Variants in ATP11C observed in about 807,000 individuals in gnomAD.
The protein encoded by ATP11C is phospholipid-transporting ATPase IG.
Under a neutral mutation model 97.4 loss-of-function variants are expected in ATP11C, and 36 were observed. The observed-to-expected ratio is 0.37, with a 90% CI of 0.28 to 0.49. ATP11C has a LOEUF of 0.49. ATP11C is among the 20% of genes least tolerant of loss of function. The probability of loss-of-function intolerance (pLI) is 0.98; values close to 1 mark genes in which losing one functional copy is unlikely to be tolerated. For synonymous variants in ATP11C, 275 were observed against 290.9 expected, an observed-to-expected ratio of 0.95 and a Z score of 0.56; for missense variants, 730 against 824.6, an observed-to-expected ratio of 0.89 and a Z score of 1.40.
In ATP11C at chrX:139,798,289, G is replaced by A. The variant is rs1197757592; in HGVS notation, c.841C>T (p.Arg281Cys). ...ALNYQGKSQK[R>C]SAVEKSINAF... The stretch of plus-strand genomic sequence containing the variant: ...CATACTAACTTTTCAACAGCAGAAC[G>A]TTTCTGAGATTTCCCTTGGTAGTTC... Residue 281 changes from arginine (R) to cysteine (C), a missense_variant, in exon 10 of 30, where the codon CGT (arginine) becomes TGT (cysteine). By Grantham distance (180) the Arg-to-Cys change is radical (BLOSUM62 -3). Transcript: ENST00000682941. The A allele has an allele frequency of 3.3e-6, 4 of 1,204,459 alleles. No homozygotes were observed. Among genetic ancestry groups the A allele is most frequent in the Non-Finnish European group, 4.5e-6 (4 of 892,847 alleles).
intron 2 of ATP11C, 124 bp downstream of exon 2, chrX:139,826,580 T>C (rs1432359164): frequency 8.1e-6 from 4 of 490,967 alleles, no homozygotes; most frequent in Non-Finnish European, 9.6e-6. Flanking sequence ...AGCTGGTATA[T>C]GATCCATATA....
intron 19 of ATP11C, among the ~76,000 whole-genome samples, chrX:139,771,543 G>C (rs2082255212): frequency 9.0e-6 from 1 of 111,562 alleles, no homozygotes; most frequent in African/African-American, 3.3e-5. Context: ...GGAAAGTTTG[G>C]AACCTCCTAG....
chrX:139,745,703 A>C lies in ATP11C; in HGVS notation c.2964+19T>G. ...CCATGCTTATAATACCAAAAGATGTAATGACAGGTTCTTTTTACCTTTCCA... is the reference window on the plus strand; with the variant it reads ...CCATGCTTATAATACCAAAAGATGTCATGACAGGTTCTTTTTACCTTTCCA... On this transcript the variant is annotated intron_variant, in intron 25 of 29. Transcript: ENST00000682941. The C allele has an allele frequency of 8.4e-7, 1 of 1,196,128 alleles. No individual in the cohort carries two copies. The highest frequency in any genetic ancestry group is 1.8e-5 in the African/African-American group (1 of 56,908).
At chrX:139,903,619 TTAAC>T (rs1308030883) in intron 1 of ATP11C, among the ~76,000 whole-genome samples, 4 of 107,801 alleles carry the variant, frequency 3.7e-5, no homozygotes, top group African/African-American at 1.4e-4. Flanking sequence ...AAAAAAAAAA[TTAAC>T]TATAAAAAAA....
intron 19 of ATP11C, 135 bp downstream of exon 19, chrX:139,774,555 C>T (rs746949642): frequency 2.4e-5 from 13 of 545,571 alleles, no homozygotes; most frequent in Non-Finnish European, 3.6e-5. Context: ...TCCTCAGGGA[C>T]GATTTTAACT....
At chrX:139,811,692 G>T (rs1250279313) in intron 5 of ATP11C, among the ~76,000 whole-genome samples, 13 of 110,565 alleles carry the variant, frequency 1.2e-4, no homozygotes, top group Non-Finnish European at 3.8e-5. Flanking sequence ...AAGAGTTGTG[G>T]TTAAGAGCAT....
intron 5 of ATP11C, among the ~76,000 whole-genome samples, chrX:139,809,307 T>C (rs1008775523): frequency 8.9e-6 from 1 of 111,870 alleles, no homozygotes; most frequent in African/African-American, 3.2e-5. Flanking sequence ...CAAACTGTTA[T>C]ATACATAAAT....
At chrX:139,734,782 G>A (rs1356985112) in intron 28 of ATP11C, among the ~76,000 whole-genome samples, 2 of 110,985 alleles carry the variant, frequency 1.8e-5, no homozygotes, top group African/African-American at 6.5e-5. Context: ...CGGAACTTTG[G>A]GGAAAAAAAT....
chrX:139,800,358 G>A (rs1186911203), intron 7 of ATP11C, among the ~76,000 whole-genome samples: 1 of 112,043 alleles, frequency 8.9e-6, no homozygotes. Context: ...GTTCTCAATT[G>A]ATTTTCAAGT....
At chrX:139,883,068 C>G (rs1307833060) in intron 1 of ATP11C, among the ~76,000 whole-genome samples, 1 of 111,636 alleles carries the variant, frequency 9.0e-6, no homozygotes, top group African/African-American at 3.3e-5. Context: ...GAAGGGTGGA[C>G]AGGGCAAAGC....
chrX:139,904,731 T>C (rs2084949210), intron 1 of ATP11C, among the ~76,000 whole-genome samples: 1 of 110,596 alleles, frequency 9.0e-6, no homozygotes, highest in African/African-American at 3.3e-5. Flanking sequence ...ACACTTGAAC[T>C]TAGTTCTGAA....
chrX:139,759,798 T>G (rs992670673), intron 22 of ATP11C, among the ~76,000 whole-genome samples: 15 of 112,222 alleles, frequency 1.3e-4, no homozygotes, highest in Non-Finnish European at 2.3e-4. Flanking sequence ...GAGGATATCA[T>G]CTACATAAAT....
At chrX:139,912,114 G>A (rs1442637919) in intron 1 of ATP11C, among the ~76,000 whole-genome samples, 1 of 97,441 alleles carries the variant, frequency 1.0e-5, no homozygotes, top group Admixed American at 1.2e-4. Context: ...GTCAGAGGGT[G>A]CAGTAAGCCA....
intron 22 of ATP11C, among the ~76,000 whole-genome samples, chrX:139,758,247 C>A (rs2081974638): frequency 8.9e-6 from 1 of 111,964 alleles, no homozygotes; most frequent in Non-Finnish European, 1.9e-5. Flanking sequence ...CAATTAATGC[C>A]AATAAATAGT....
intron 1 of ATP11C, chrX:139,924,248 G>C (rs973536111): frequency 1.3e-5 from 5 of 379,816 alleles, no homozygotes; most frequent in African/African-American, 1.3e-4. Context: ...CCACCGGCAG[G>C]CTGCTCTTCT....
intron 1 of ATP11C, among the ~76,000 whole-genome samples, chrX:139,905,276 T>C (rs1739090457): frequency 8.9e-6 from 1 of 112,220 alleles, no homozygotes; most frequent in African/African-American, 3.2e-5. Context: ...AGATCAAATG[T>C]TTCCCTTTTC....
At position 139,788,278 on chromosome X, in the gene ATP11C, A is replaced by G. The variant is rs767068034; in HGVS notation, c.1434T>C (p.Asp478=). 17 of 1,208,252 alleles carry G rather than the reference A, an allele frequency of 1.4e-5. No individual in the cohort carries two copies. The highest frequency in any genetic ancestry group is 1.7e-5 in the Non-Finnish European group (15 of 892,326). The stretch of plus-strand genomic sequence containing the variant: ...CTGATTCTGTAGCTCCATCAACAGC[A>G]TCGTTTGTTTTGATTTCTACAGTAT... ...LCHTVEIKTN[D]AVDGATESAE... Residue 478 remains aspartate (D), a synonymous_variant, in exon 14 of 30, where the codon GAT becomes GAC. Transcript: ENST00000682941.
At chrX:139,794,077 A>G (rs1211031635) in intron 12 of ATP11C, among the ~76,000 whole-genome samples, 1 of 112,178 alleles carries the variant, frequency 8.9e-6, no homozygotes, top group African/African-American at 3.2e-5. Flanking sequence ...GGGTTTTTCA[A>G]TATGGATTAC....
At chrX:139,847,762 A>AT (rs1430663757) in intron 1 of ATP11C, among the ~76,000 whole-genome samples, 1 of 108,996 alleles carries the variant, frequency 9.2e-6, no homozygotes, top group African/African-American at 3.3e-5. Context: ...CAAACTCTCT[A>AT]TATCTTAACA....
Sources: gnomAD v4.1 joint callset for allele counts (sites outside exome capture counted in the v4.1 genomes callset) on GRCh38, gnomAD v4.1.1 for gene constraint, MANE v1.5 for transcripts, NCBI Gene and HGNC (gene_info 2026-07-23, HGNC 2026-07-21) for gene names.